Variants in CSNK1G3 observed in about 807,000 individuals in gnomAD.
CSNK1G3 encodes the protein casein kinase 1 gamma 3.
Under a neutral mutation model 64.3 loss-of-function variants are expected in CSNK1G3, and 23 were observed. The ratio of observed to expected loss-of-function variants is 0.36; its 90% CI spans 0.26 to 0.51. The LOEUF (loss-of-function observed/expected upper bound fraction) is 0.51, where lower values mean the gene tolerates loss of function less well. CSNK1G3 is among the 20% of genes least tolerant of loss of function. CSNK1G3 has a pLI of 0.96. For synonymous variants in CSNK1G3, 158 were observed against 162.2 expected (o/e 0.97, Z 0.20); for missense variants, 357 against 510.5 (o/e 0.70, Z 2.90).
intron 6 of CSNK1G3, among the ~76,000 whole-genome samples, chr5:123,580,473 G>A (rs920955936): frequency 2.0e-5 from 3 of 151,812 alleles, no homozygotes; most frequent in African/African-American, 4.8e-5. Flanking sequence ...TGTTCAGAAG[G>A]CAGATGTTGC....
chr5:123,609,676 G>A (rs1795981094), intron 12 of CSNK1G3, among the ~76,000 whole-genome samples: 2 of 151,566 alleles, frequency 1.3e-5, no homozygotes, highest in African/African-American at 4.9e-5. Flanking sequence ...CAAAGATACT[G>A]AGGTAAGAAA....
At chr5:123,565,343 T>G (rs1786651602) in intron 4 of CSNK1G3, among the ~76,000 whole-genome samples, 1 of 152,208 alleles carries the variant, frequency 6.6e-6, no homozygotes, top group South Asian at 2.1e-4. Context: ...CCTCAAGAGC[T>G]TCAGGCCACA....
In CSNK1G3 at chr5:123,573,817, G is replaced by A. The variant is rs111421883; in HGVS notation, c.438+276G>A. Among the ~76,000 whole-genome samples, 492 of 151,252 alleles carry A rather than the reference G, an allele frequency of 3.3e-3. 7 individuals are homozygous for A. Among genetic ancestry groups the A allele is most frequent in the African/African-American group, 0.012 (475 of 41,198 alleles). On this transcript the variant is annotated intron_variant, in intron 5 of 12. Transcript: ENST00000345990. ...CTAGCCATTTCTTCATATAAAAGAT[G>A]ATTACTTCAAAAGAGAACCCTCAGA...
chr5:123,588,362 T>C (rs1791707874), intron 7 of CSNK1G3, 65 bp from the exon 8 acceptor site: 1 of 1,288,954 alleles, frequency 7.8e-7, no homozygotes, highest in Non-Finnish European at 1.1e-6. Context: ...CAGGCTACCG[T>C]GTGCAGTCCC....
intron 4 of CSNK1G3, among the ~76,000 whole-genome samples, chr5:123,568,819 G>C (rs565463098): frequency 6.6e-6 from 1 of 152,188 alleles, no homozygotes; most frequent in South Asian, 2.1e-4. Context: ...ACCCATTTTT[G>C]AACTCGAATA....
At chr5:123,615,920 T>C (rs1749371288) in exon 13 of CSNK1G3, 1 of 152,216 alleles carries the variant, frequency 6.6e-6, no homozygotes, top group African/African-American at 2.4e-5. Context: ...GCTACATTTT[T>C]TTACTTCATT....
intron 1 of CSNK1G3, among the ~76,000 whole-genome samples, chr5:123,539,947 T>C (rs1192750559): frequency 2.0e-5 from 3 of 152,210 alleles, no homozygotes; most frequent in African/African-American, 7.2e-5. Flanking sequence ...TCCTTTGTCC[T>C]TTAGTATTTA....
chr5:123,585,797 A>T (rs1405945664), intron 6 of CSNK1G3, among the ~76,000 whole-genome samples: 1 of 152,240 alleles, frequency 6.6e-6, no homozygotes, highest in Non-Finnish European at 1.5e-5. Flanking sequence ...AAAAGACCAT[A>T]CAGAGGTTGG....
At chr5:123,600,947 T>G (rs1247478813) in intron 10 of CSNK1G3, among the ~76,000 whole-genome samples, 1 of 151,918 alleles carries the variant, frequency 6.6e-6, no homozygotes, top group African/African-American at 2.4e-5. Context: ...CGTATTAAGT[T>G]TCCTGTCAAA....
intron 10 of CSNK1G3, among the ~76,000 whole-genome samples, chr5:123,591,969 G>A (rs1236444975): frequency 2.0e-5 from 3 of 152,034 alleles, no homozygotes; most frequent in African/African-American, 4.8e-5. Flanking sequence ...AATAATGCAT[G>A]TTAATTTAGA....
rs538676889 is a variant in CSNK1G3 at position 123,581,863 on chromosome 5, A to C, written c.673+5900A>C. Among the ~76,000 whole-genome samples the C allele has an allele frequency of 2.6e-5, 4 of 151,968 alleles. No homozygotes were observed. The East Asian group carries it at 7.7e-4, about 29-fold the overall frequency. On this transcript the variant is annotated intron_variant, in intron 6 of 12. Transcript: ENST00000345990. ...AACCTTTTCTTCCTTGTAGTAGATA[A>C]TTTTTATCTTTTTTTTACTTATAAG...
chr5:123,586,597 G>A (rs937210668), intron 6 of CSNK1G3, among the ~76,000 whole-genome samples: 2 of 152,096 alleles, frequency 1.3e-5, no homozygotes, highest in Admixed American at 6.6e-5. Context: ...TTTAGCATGC[G>A]AAATGGGAAG....
chr5:123,568,678 A>G (rs777404237), intron 4 of CSNK1G3, among the ~76,000 whole-genome samples: 6 of 152,072 alleles, frequency 3.9e-5, no homozygotes, highest in Non-Finnish European at 7.4e-5. Flanking sequence ...GCCAACCACT[A>G]TGCTCCTCAT....
chr5:123,558,343 A>G (rs565451287), intron 4 of CSNK1G3, among the ~76,000 whole-genome samples: 34 of 152,324 alleles, frequency 2.2e-4, no homozygotes, highest in Admixed American at 1.7e-3. Context: ...ATTCATGGAA[A>G]AAATTTCTAT....
At chr5:123,542,215 C>CT (rs893833323) in intron 1 of CSNK1G3, among the ~76,000 whole-genome samples, 2 of 152,024 alleles carry the variant, frequency 1.3e-5, no homozygotes, top group African/African-American at 2.4e-5. Flanking sequence ...CATTACCTTA[C>CT]TTTTTTTGTA....
chr5:123,572,855 G>A (rs1788398778), intron 4 of CSNK1G3, among the ~76,000 whole-genome samples: 1 of 152,196 alleles, frequency 6.6e-6, no homozygotes. Flanking sequence ...ACTGATAGGA[G>A]CCTTAATTAC....
intron 5 of CSNK1G3, 94 bp downstream of exon 5, chr5:123,573,635 T>C: frequency 8.8e-7 from 1 of 1,135,858 alleles, no homozygotes; most frequent in Non-Finnish European, 1.2e-6. Context: ...TGATATTGTC[T>C]TACAGAGCGT....
intron 6 of CSNK1G3, among the ~76,000 whole-genome samples, chr5:123,585,880 T>C (rs1452707134): frequency 6.6e-6 from 1 of 152,180 alleles, no homozygotes; most frequent in East Asian, 1.9e-4. Flanking sequence ...GAAAATCATA[T>C]AGAAGTTTTT....
At chr5:123,540,053 C>T (rs548224921) in intron 1 of CSNK1G3, among the ~76,000 whole-genome samples, 2 of 152,122 alleles carry the variant, frequency 1.3e-5, no homozygotes, top group East Asian at 1.9e-4. Context: ...TTAGAAATTT[C>T]GTTGACCTTT....
Sources: allele counts gnomAD v4.1 joint callset (sites outside exome capture counted in the v4.1 genomes callset), GRCh38; gene constraint gnomAD v4.1.1; transcripts MANE v1.5; gene names NCBI Gene and HGNC (gene_info 2026-07-23, HGNC 2026-07-21).